COG7: variants seen among roughly 807,000 people sequenced by gnomAD.
COG7 encodes the protein conserved oligomeric Golgi complex subunit 7.
Under a neutral mutation model 91.5 loss-of-function variants are expected in COG7, and 49 were observed. The ratio of observed to expected loss-of-function variants is 0.54; its 90% CI spans 0.43 to 0.68. COG7 has a LOEUF of 0.68. Among genes scored for constraint, COG7 ranks in the 30% least tolerant of loss-of-function variants. The pLI is 0.00. For synonymous variants in COG7, 365 were observed against 388.7 expected (o/e 0.94, Z 0.72); for missense variants, 895 against 961.3 (o/e 0.93, Z 0.91).
At chr16:23,423,289 C>A (rs1963789343) in intron 7 of COG7, among the ~76,000 whole-genome samples, 1 of 152,116 alleles carries the variant, frequency 6.6e-6, no homozygotes, top group Non-Finnish European at 1.5e-5. Context: ...ATTGTTTGAA[C>A]CCAGGAGGTG....
intron 16 of COG7, among the ~76,000 whole-genome samples, chr16:23,391,248 G>A (rs982675185): frequency 1.7e-4 from 26 of 152,192 alleles, no homozygotes; most frequent in African/African-American, 6.3e-4. Flanking sequence ...TTAACAGGGA[G>A]GAATAACAAG....
rs768615420 is a variant in COG7 at position 23,398,116 on chromosome 16, G to T, written c.1817C>A (p.Ala606Asp). 4.2e-5 allele frequency: 68 copies of T among 1,614,018 alleles called. 1 individual carries two copies. The South Asian group carries it at 7.2e-4, about 17-fold the overall frequency. ...ATCTGTGAGGGTTTCTCCGATGCCA[G>T]CCGTATTCCAGCTCTAAGGGTGGAA... Reference protein sequence around the residue: ...LISKMDSWNTAGIGETLTDEL... With the variant: ...LISKMDSWNTDGIGETLTDEL... The change falls in exon 14 of 17, where the codon GCT (alanine) becomes GAT (aspartate). Residue 606 changes from alanine to aspartate, a missense_variant. By Grantham distance (126) the Ala-to-Asp change is moderately radical (BLOSUM62 -2). Coordinates refer to ENST00000307149, the MANE Select transcript of COG7 (RefSeq NM_153603.4).
intron 9 of COG7, chr16:23,415,677 T>G (rs1171242129): frequency 6.6e-6 from 1 of 152,234 alleles, no homozygotes; most frequent in East Asian, 1.9e-4. Context: ...TGTCCAGAGC[T>G]CCCATGCCCA....
chr16:23,393,728 G>A (rs1963238228), intron 14 of COG7: 1 of 265,846 alleles, frequency 3.8e-6, no homozygotes, highest in Non-Finnish European at 7.4e-6. Context: ...GAATGTGTGG[G>A]GCCAAGCAAG....
intron 4 of COG7, among the ~76,000 whole-genome samples, chr16:23,438,880 G>A (rs140588250): frequency 7.2e-5 from 11 of 152,048 alleles, no homozygotes; most frequent in East Asian, 3.9e-4. Flanking sequence ...CCATATGGCC[G>A]GGTGTGGTGG....
chr16:23,433,666 AC>A lies in COG7; in HGVS notation c.688del (p.Val230CysfsTer4). On this transcript the variant is annotated frameshift_variant and splice_region_variant, in exon 6 of 17. Coordinates refer to ENST00000307149, the MANE Select transcript of COG7 (RefSeq NM_153603.4). LOFTEE classifies it high-confidence loss of function. ...LLAYYYKCHK[V>X]QLLAAWQELC... ...CTCTTGCCAGGCTGCTAAAAGCTGC[AC>A]CTGCAGAGACAGAACAAAGGGAACC... is the stretch of plus-strand genomic sequence containing the variant. The A allele has an allele frequency of 6.2e-7, 1 of 1,614,018 alleles. No individual in the cohort carries two copies. The highest frequency in any genetic ancestry group is 1.1e-5 in the South Asian group (1 of 91,074).
chr16:23,445,159 C>G lies in COG7; in HGVS notation c.324G>C (p.Leu108Phe), dbSNP rs1964161464. 2 of 1,612,212 alleles carry G rather than the reference C, an allele frequency of 1.2e-6. No individual in the cohort carries two copies. The highest frequency in any genetic ancestry group is 1.7e-6 in the Non-Finnish European group (2 of 1,178,314). The change falls in exon 3 of 17, where the codon TTG becomes TTC. Residue 108 changes from leucine to phenylalanine, a missense_variant. Coordinates refer to ENST00000307149, the MANE Select transcript of COG7 (RefSeq NM_153603.4). ...TGGACTTCACTTGGTCAATTTCTAC[C>G]AACACCTGAAAGAGGCGTGAGGGGT... ...EQDTSQSMQV[L>F]VEIDQVKSRM...
chr16:23,447,683 C>T (rs1348755697), intron 1 of COG7, among the ~76,000 whole-genome samples: 3 of 151,770 alleles, frequency 2.0e-5, no homozygotes, highest in Non-Finnish European at 2.9e-5. Flanking sequence ...AGGCAGATCA[C>T]GAGGTCAAGA....
At chr16:23,422,993 C>T (rs56305136) in intron 7 of COG7, among the ~76,000 whole-genome samples, 2,653 of 142,384 alleles carry the variant, frequency 0.019, 31 homozygotes, top group Non-Finnish European at 0.027. Flanking sequence ...TGCAGTGAGC[C>T]AAGATCACGC....
intron 13 of COG7, among the ~76,000 whole-genome samples, chr16:23,403,169 G>T (rs1243194457): frequency 6.6e-6 from 1 of 152,172 alleles, no homozygotes; most frequent in Non-Finnish European, 1.5e-5. Flanking sequence ...AAAGAGAAGA[G>T]GGTGTGAGGA....
At chr16:23,430,774 C>G (rs751819294) in intron 6 of COG7, among the ~76,000 whole-genome samples, 4 of 152,002 alleles carry the variant, frequency 2.6e-5, no homozygotes, top group Non-Finnish European at 5.9e-5. Context: ...CTCCTGACCT[C>G]AGGTGATGTT....
rs567770929 is a variant in COG7 at position 23,434,559 on chromosome 16, T to A, written c.687+77A>T. The A allele has an allele frequency of 4.2e-4, 472 of 1,113,906 alleles. 2 individuals are homozygous for A. The highest frequency in any genetic ancestry group is 2.9e-3 in the South Asian group (231 of 78,906). 69.0% of individuals were successfully genotyped at this position (1,113,906 alleles called of 1,614,324 possible). A position where few individuals can be genotyped will look rare whatever the true frequency, so the allele number is the denominator to read the frequency against. On this transcript the variant is annotated intron_variant, in intron 5 of 16. Transcript: ENST00000307149. ...AGACAAATGTTCTTACCTTCTGAAT[T>A]ATGAACCTGCGATTCTGTGACCCAG...
intron 4 of COG7, among the ~76,000 whole-genome samples, chr16:23,436,819 C>G (rs1342541469): frequency 6.6e-6 from 1 of 152,170 alleles, no homozygotes; most frequent in African/African-American, 2.4e-5. Context: ...ACCTGTGGGG[C>G]GGGGGAACCC....
chr16:23,396,633 C>T (rs1415111813), intron 14 of COG7, among the ~76,000 whole-genome samples: 2 of 151,778 alleles, frequency 1.3e-5, no homozygotes, highest in Non-Finnish European at 2.9e-5. Flanking sequence ...GGGCCAAGAT[C>T]GCGCCACTGC....
At position 23,392,429 on chromosome 16, in the gene COG7, C is replaced by G; in HGVS notation, c.2097G>C (p.Gln699His). The G allele has an allele frequency of 6.2e-7, 1 of 1,614,182 alleles. No individual in the cohort carries two copies. The highest frequency in any genetic ancestry group is 8.5e-7 in the Non-Finnish European group (1 of 1,180,044). ...CAGAGTGTGGGCTCAGCTCAGGGATCTGTAGGATCGCATCACAGTAGGTCT... is the reference window on the plus strand; with the variant it reads ...CAGAGTGTGGGCTCAGCTCAGGGATGTGTAGGATCGCATCACAGTAGGTCT... ...TMQTYCDAIL[Q>H]IPELSPHSAK... is the part of the protein sequence containing the mutation. Residue 699 changes from glutamine (Q) to histidine (H), a missense_variant, in exon 16 of 17, where the codon CAG becomes CAC. Transcript: ENST00000307149.
At chr16:23,418,619 C>G (rs991742049) in intron 8 of COG7, 81 bp downstream of exon 8, 8 of 1,379,386 alleles carry the variant, frequency 5.8e-6, no homozygotes, top group Non-Finnish European at 8.2e-6. Flanking sequence ...CGGATCCCAA[C>G]CCCCAGCCCT....
At chr16:23,392,700 C>G (rs1266394939) in intron 15 of COG7, among the ~76,000 whole-genome samples, 177 bp from the exon 16 acceptor site, 2 of 152,086 alleles carry the variant, frequency 1.3e-5, no homozygotes, top group Non-Finnish European at 2.9e-5. Context: ...GAGGATGAGG[C>G]AGGCGGATCA....
At chr16:23,446,301 T>C in intron 1 of COG7, 1 of 395,216 alleles carries the variant, frequency 2.5e-6, no homozygotes, top group South Asian at 2.4e-5. Flanking sequence ...GCATACATCA[T>C]ATTACTTAAT....
At chr16:23,392,705 G>C (rs1294794931) in intron 15 of COG7, among the ~76,000 whole-genome samples, 182 bp from the exon 16 acceptor site, 1 of 152,072 alleles carries the variant, frequency 6.6e-6, no homozygotes, top group Non-Finnish European at 1.5e-5. Context: ...TGAGGCAGGC[G>C]GATCATTTGA....
Sources: allele counts gnomAD v4.1 joint callset (sites outside exome capture counted in the v4.1 genomes callset), GRCh38; gene constraint gnomAD v4.1.1; transcripts MANE v1.5; gene names NCBI Gene and HGNC (gene_info 2026-07-23, HGNC 2026-07-21).